ROBO2: variants seen among roughly 807,000 people sequenced by gnomAD.
ROBO2 encodes roundabout guidance receptor 2.
Under a neutral mutation model 160.8 loss-of-function variants are expected in ROBO2, and 53 were observed. The ratio of observed to expected loss-of-function variants is 0.33; its 90% CI spans 0.26 to 0.41. The LOEUF (loss-of-function observed/expected upper bound fraction) is 0.41. Among genes scored for constraint, ROBO2 ranks in the 10% least tolerant of loss-of-function variants. The pLI, the probability that ROBO2 is intolerant of heterozygous loss-of-function variation, is 1.00. For missense variants in ROBO2, 1,577 were observed against 1,722.4 expected, an observed-to-expected ratio of 0.92 and a Z score of 1.49; for synonymous variants, 664 against 611.7, an observed-to-expected ratio of 1.09 and a Z score of -1.26.
At chr3:76,202,574 G>C (rs1010714237) in intron 2 of ROBO2, among the ~76,000 whole-genome samples, 28 of 152,274 alleles carry the variant, frequency 1.8e-4, no homozygotes, top group African/African-American at 6.3e-4. Flanking sequence ...CAGACTGGAA[G>C]AGACCAAATG....
chr3:76,472,067 G>A (rs2078685972), intron 2 of ROBO2, among the ~76,000 whole-genome samples: 1 of 73,938 alleles, frequency 1.4e-5, no homozygotes, highest in Non-Finnish European at 2.6e-5. Context: ...GATAAAATGT[G>A]TGTGTGTGTG....
At chr3:77,504,626 T>C (rs2088196030) in intron 5 of ROBO2, among the ~76,000 whole-genome samples, 1 of 152,190 alleles carries the variant, frequency 6.6e-6, no homozygotes, top group Non-Finnish European at 1.5e-5. Flanking sequence ...GACATATATA[T>C]AGTTGATTTT....
chr3:76,533,853 G>A (rs1187630826), intron 2 of ROBO2, among the ~76,000 whole-genome samples: 1 of 152,100 alleles, frequency 6.6e-6, no homozygotes, highest in Non-Finnish European at 1.5e-5. Flanking sequence ...GATCAGTTAG[G>A]GTAGGGCAGG....
chr3:76,653,055 T>G (rs961237318), intron 2 of ROBO2, among the ~76,000 whole-genome samples: 1 of 152,126 alleles, frequency 6.6e-6, no homozygotes, highest in Non-Finnish European at 1.5e-5. Context: ...AAATTGATTC[T>G]AATGACACCA....
At chr3:76,414,770 A>G (rs930883970) in intron 2 of ROBO2, among the ~76,000 whole-genome samples, 2 of 149,624 alleles carry the variant, frequency 1.3e-5, no homozygotes, top group African/African-American at 5.0e-5. Flanking sequence ...GTATAATTTA[A>G]AAAAAAAAAG....
At chr3:76,037,520 G>A (rs1469969441) in intron 2 of ROBO2, among the ~76,000 whole-genome samples, 1 of 151,870 alleles carries the variant, frequency 6.6e-6, no homozygotes, top group Non-Finnish European at 1.5e-5. Flanking sequence ...CTCCCAAAGT[G>A]CTGGGATTCG....
intron 1 of ROBO2, among the ~76,000 whole-genome samples, chr3:77,050,405 C>A (rs1455564252): frequency 6.6e-6 from 1 of 152,102 alleles, no homozygotes; most frequent in Non-Finnish European, 1.5e-5. Flanking sequence ...GTGCTTCTTA[C>A]CCCATCTCTA....
intron 5 of ROBO2, among the ~76,000 whole-genome samples, chr3:77,517,222 A>G (rs1451338663): frequency 6.6e-6 from 1 of 151,592 alleles, no homozygotes; most frequent in Non-Finnish European, 1.5e-5. Flanking sequence ...TAGGCAGGAA[A>G]GACATGTATA....
intron 2 of ROBO2, among the ~76,000 whole-genome samples, chr3:76,204,072 A>G (rs1324420590): frequency 6.6e-6 from 1 of 152,186 alleles, no homozygotes; most frequent in Non-Finnish European, 1.5e-5. Flanking sequence ...CCTGATTGAT[A>G]CAGTCTCTAA....
intron 2 of ROBO2, among the ~76,000 whole-genome samples, chr3:76,137,251 C>T (rs369540013): frequency 2.0e-4 from 30 of 151,886 alleles, no homozygotes; most frequent in East Asian, 7.7e-4. Context: ...TCCAGTGTAT[C>T]GACTTTGGAA....
chr3:76,802,659 C>T (rs1318695093), intron 2 of ROBO2, among the ~76,000 whole-genome samples: 2 of 147,750 alleles, frequency 1.4e-5, no homozygotes, highest in Non-Finnish European at 3.0e-5. Flanking sequence ...ACCCAGGAGG[C>T]GGAGCTTGCA....
chr3:76,540,535 C>T (rs1255570872), intron 2 of ROBO2, among the ~76,000 whole-genome samples: 1 of 152,096 alleles, frequency 6.6e-6, no homozygotes, highest in African/African-American at 2.4e-5. Context: ...AAATTAAAAA[C>T]CCCATAAACT....
intron 2 of ROBO2, among the ~76,000 whole-genome samples, chr3:75,941,987 C>T (rs1036545586): frequency 1.3e-5 from 2 of 152,256 alleles, no homozygotes; most frequent in Middle Eastern, 3.4e-3. Context: ...CTGTCTTTGC[C>T]TCCATTCGGT....
chr3:76,584,267 CA>C (rs1429601001), intron 2 of ROBO2, among the ~76,000 whole-genome samples: 1 of 151,904 alleles, frequency 6.6e-6, no homozygotes, highest in Non-Finnish European at 1.5e-5. Context: ...TCTGTTTTGC[CA>C]AAAAATCTCC....
chr3:76,616,182 G>A (rs1013025569), intron 2 of ROBO2, among the ~76,000 whole-genome samples: 1 of 152,150 alleles, frequency 6.6e-6, no homozygotes, highest in Admixed American at 6.6e-5. Context: ...ATACTCTAAT[G>A]TATTTTTTAA....
chr3:77,207,912 T>C (rs923882908), intron 2 of ROBO2, among the ~76,000 whole-genome samples: 1 of 152,220 alleles, frequency 6.6e-6, no homozygotes, highest in Admixed American at 6.5e-5. Context: ...AAAGATGTCT[T>C]CTTGCTCTTG....
chr3:76,608,333 G>A (rs372054869), intron 2 of ROBO2, among the ~76,000 whole-genome samples: 1 of 152,316 alleles, frequency 6.6e-6, no homozygotes, highest in South Asian at 2.1e-4. Context: ...AGGGACTGTG[G>A]AGGAATGAGT....
intron 2 of ROBO2, among the ~76,000 whole-genome samples, chr3:76,539,322 T>G (rs1411864390): frequency 6.6e-6 from 1 of 150,932 alleles, no homozygotes; most frequent in Non-Finnish European, 1.5e-5. Flanking sequence ...GTAACACACC[T>G]GCCCGTTCAG....
intron 4 of ROBO2, among the ~76,000 whole-genome samples, chr3:77,482,902 CA>C (rs1452828027): frequency 6.6e-6 from 1 of 151,870 alleles, no homozygotes; most frequent in East Asian, 1.9e-4. Flanking sequence ...AGACTGCCTT[CA>C]GAAGGAAATT....
Sources: allele counts gnomAD v4.1 joint callset (sites outside exome capture counted in the v4.1 genomes callset), GRCh38; gene constraint gnomAD v4.1.1; transcripts MANE v1.5; gene names NCBI Gene and HGNC (gene_info 2026-07-23, HGNC 2026-07-21).